Variants in GATAD2B observed in about 807,000 individuals in gnomAD.
The protein encoded by GATAD2B is GATA zinc finger domain containing 2B.
Under a neutral mutation model 64.3 loss-of-function variants are expected in GATAD2B, and 8 were observed. The ratio of observed to expected loss-of-function variants is 0.12; its 90% CI spans 0.07 to 0.22. The LOEUF is 0.22. Ranked by LOEUF, GATAD2B falls within the 10% of genes least tolerant of loss-of-function variation. The pLI is 1.00. For missense variants in GATAD2B, 453 were observed against 752.0 expected (o/e 0.60, Z 4.65); for synonymous variants, 281 against 271.3 (o/e 1.04, Z -0.35).
In GATAD2B at chr1:153,830,507, G is replaced by C. The variant is rs1171614372; in HGVS notation, c.-1-2159C>G. ...ATTTTTTTTTTTGAGACAGAGTCTC[G>C]CTCTGTCGCCCAGGCTGGAGTGCAG... On this transcript the variant is annotated intron_variant, in intron 1 of 10. Transcript: ENST00000368655. Among the ~76,000 whole-genome samples the C allele has an allele frequency of 1.1e-4, 14 of 128,216 alleles. No individual in the cohort carries two copies. In the South Asian group the frequency reaches 1.7e-3, roughly 16 times the overall value. The allele number at this position is 128,216 out of a possible 152,430, so 84.1% of individuals were successfully genotyped here.
intron 1 of GATAD2B, among the ~76,000 whole-genome samples, chr1:153,902,032 G>A (rs530309309): frequency 1.3e-5 from 2 of 148,866 alleles, no homozygotes; most frequent in African/African-American, 4.9e-5. Context: ...TGTAATCCCA[G>A]CACTTTGGGA....
chr1:153,815,280 C>CAAAACAAAAAAAAAAA (rs1674428829), intron 7 of GATAD2B, among the ~76,000 whole-genome samples: 2 of 66,610 alleles, frequency 3.0e-5, no homozygotes, highest in Non-Finnish European at 5.4e-5. Context: ...CTCAAAAAAA[C>CAAAACAAAAAAAAAAA]AAAAAAAAAA....
intron 1 of GATAD2B, among the ~76,000 whole-genome samples, chr1:153,882,174 T>C (rs1677030522): frequency 6.6e-6 from 1 of 152,132 alleles, no homozygotes. Context: ...CCCCCCATCA[T>C]TGCAGCCTAG....
chr1:153,855,206 T>C (rs1246614900), intron 1 of GATAD2B, among the ~76,000 whole-genome samples: 18 of 142,968 alleles, frequency 1.3e-4, no homozygotes, highest in African/African-American at 4.7e-4. Context: ...AACGTAACTG[T>C]AGCATTAGCT....
intron 1 of GATAD2B, among the ~76,000 whole-genome samples, chr1:153,903,246 A>T (rs1373812801): frequency 6.6e-6 from 1 of 152,122 alleles, no homozygotes; most frequent in African/African-American, 2.4e-5. Flanking sequence ...TTACAAAGTA[A>T]GCAGCTCTGA....
At chr1:153,851,605 T>C in intron 1 of GATAD2B, among the ~76,000 whole-genome samples, 1 of 152,172 alleles carries the variant, frequency 6.6e-6, no homozygotes. Context: ...TCAGGTCCTT[T>C]GTCCATTTTT....
intron 1 of GATAD2B, among the ~76,000 whole-genome samples, chr1:153,876,945 G>A (rs931935900): frequency 2.6e-5 from 4 of 152,128 alleles, no homozygotes; most frequent in South Asian, 4.1e-4. Context: ...GGAGGGCGGC[G>A]GGTGGAGGTT....
rs1212959532 is a variant in GATAD2B, at chr1:153,818,310, TTTTC to T, written c.598-143_598-140del. ...AAAAACCAGAAAAAGGGAGTCAAGG[TTTTC>T]TTTTTTTTTTTTTTTTTTGAGACAG... On this transcript the variant is annotated intron_variant, in intron 4 of 10. Transcript: ENST00000368655. The T allele has an allele frequency of 1.2e-3, 679 of 583,534 alleles. 1 individual carries two copies. Among genetic ancestry groups the T allele is most frequent in the Middle Eastern group, 1.6e-3 (4 of 2,522 alleles). The allele number at this position is 583,534 out of a possible 1,614,324, so 36.1% of individuals were successfully genotyped here.
At chr1:153,914,024 C>A (rs1201935385) in intron 1 of GATAD2B, among the ~76,000 whole-genome samples, 1 of 151,672 alleles carries the variant, frequency 6.6e-6, no homozygotes, top group Non-Finnish European at 1.5e-5. Context: ...GCAGGCGGAT[C>A]ACAAGGTCAG....
At chr1:153,902,362 G>A (rs1412417972) in intron 1 of GATAD2B, among the ~76,000 whole-genome samples, 1 of 152,178 alleles carries the variant, frequency 6.6e-6, no homozygotes, top group Admixed American at 6.6e-5. Flanking sequence ...TGTAAAAAGT[G>A]CTGAATGAGG....
At chr1:153,891,048 G>A (rs545254758) in intron 1 of GATAD2B, among the ~76,000 whole-genome samples, 1 of 152,080 alleles carries the variant, frequency 6.6e-6, no homozygotes, top group African/African-American at 2.4e-5. Flanking sequence ...GCCAGGTGTG[G>A]TGGTGGGCAC....
At chr1:153,860,019 G>T (rs568000256) in intron 1 of GATAD2B, among the ~76,000 whole-genome samples, 1 of 139,398 alleles carries the variant, frequency 7.2e-6, no homozygotes, top group Non-Finnish European at 1.5e-5. Flanking sequence ...AGGTTCAAGC[G>T]ATTCTCCTGC....
intron 1 of GATAD2B, among the ~76,000 whole-genome samples, chr1:153,919,062 G>A (rs773787223): frequency 3.5e-4 from 54 of 152,302 alleles, no homozygotes; most frequent in Admixed American, 1.1e-3. Flanking sequence ...TTCTTTAGCA[G>A]TTTACTAGTT....
chr1:153,917,939 A>T (rs750820172), intron 1 of GATAD2B, among the ~76,000 whole-genome samples: 6 of 152,260 alleles, frequency 3.9e-5, no homozygotes, highest in Non-Finnish European at 7.3e-5. Context: ...AGACTTCATT[A>T]AAAAGGTGAC....
At chr1:153,827,886 C>A (rs1674937010) in intron 2 of GATAD2B, 127 bp downstream of exon 2, 1 of 710,870 alleles carries the variant, frequency 1.4e-6, no homozygotes. Context: ...TATGGTCAAA[C>A]TCGATGATAT....
At chr1:153,884,390 C>T (rs1677101448) in intron 1 of GATAD2B, among the ~76,000 whole-genome samples, 1 of 152,086 alleles carries the variant, frequency 6.6e-6, no homozygotes, top group Non-Finnish European at 1.5e-5. Context: ...TTGCAGTGAG[C>T]TGAGATCGCT....
chr1:153,841,897 T>C (rs1472528778), intron 1 of GATAD2B, among the ~76,000 whole-genome samples: 2 of 152,226 alleles, frequency 1.3e-5, no homozygotes, highest in Non-Finnish European at 2.9e-5. Flanking sequence ...CCATCATATA[T>C]TCCCAGATGC....
intron 1 of GATAD2B, among the ~76,000 whole-genome samples, chr1:153,858,685 T>C (rs921465162): frequency 6.6e-6 from 1 of 152,240 alleles, no homozygotes; most frequent in South Asian, 2.1e-4. Context: ...GAGCCATGAC[T>C]GTATCACTAC....
At chr1:153,870,630 T>C (rs1676632468) in intron 1 of GATAD2B, among the ~76,000 whole-genome samples, 1 of 152,078 alleles carries the variant, frequency 6.6e-6, no homozygotes, top group South Asian at 2.1e-4. Context: ...CACATCAAAA[T>C]GCTGTCAAAT....
Sources: allele counts gnomAD v4.1 joint callset (sites outside exome capture counted in the v4.1 genomes callset), GRCh38; gene constraint gnomAD v4.1.1; transcripts MANE v1.5; gene names NCBI Gene and HGNC (gene_info 2026-07-23, HGNC 2026-07-21).